The following PTPRD variants were observed in gnomAD, a reference collection of about 807,000 sequenced individuals.
PTPRD encodes the protein protein tyrosine phosphatase receptor type D.
PTPRD carries 34 observed loss-of-function variants against 214.5 expected under a neutral mutation model. The observed-to-expected ratio is 0.16, with a 90% confidence interval of 0.12 to 0.21. The LOEUF (loss-of-function observed/expected upper bound fraction) is 0.21, where lower values mean the gene tolerates loss of function less well. Ranked by LOEUF, PTPRD falls within the 10% of genes least tolerant of loss-of-function variation. PTPRD has a pLI of 1.00. For missense variants in PTPRD, 2,545 were observed against 2,398.7 expected (o/e 1.06, Z -1.27); for synonymous variants, 1,128 against 845.7 (o/e 1.33, Z -5.79).
At chr9:9,211,122 C>A (rs927197621) in intron 9 of PTPRD, among the ~76,000 whole-genome samples, 1 of 151,738 alleles carries the variant, frequency 6.6e-6, no homozygotes, top group Non-Finnish European at 1.5e-5. Context: ...TACATTCTGG[C>A]ATTTTTTTCC....
Position 9,120,156 on chromosome 9 carries a change from G to A in PTPRD, c.-143+63148C>T, listed in dbSNP as rs191478330. Among the ~76,000 whole-genome samples the A allele has an allele frequency of 1.2e-3, 187 of 152,340 alleles. 1 individual carries two copies. Among genetic ancestry groups the A allele is most frequent in the African/African-American group, 4.2e-3 (174 of 41,578 alleles). On this transcript the variant is annotated intron_variant, in intron 10 of 45. Coordinates refer to ENST00000381196, the MANE Select transcript of PTPRD (RefSeq NM_002839.4). ...ATATTTCATCTACTGGAAATTCACAGTGCACATTGGCATCTTGAAGGCTTT... is the reference window on the plus strand; with the variant it reads ...ATATTTCATCTACTGGAAATTCACAATGCACATTGGCATCTTGAAGGCTTT...
At chr9:10,110,716 C>A (rs528642620) in intron 3 of PTPRD, among the ~76,000 whole-genome samples, 10 of 152,258 alleles carry the variant, frequency 6.6e-5, no homozygotes, top group Admixed American at 6.5e-4. Flanking sequence ...AAAAGGTTGG[C>A]AAAAATTATT....
intron 9 of PTPRD, among the ~76,000 whole-genome samples, chr9:9,381,676 G>GTTT (rs78854339): frequency 6.7e-6 from 1 of 149,372 alleles, no homozygotes; most frequent in African/African-American, 2.5e-5. Context: ...AAAAGTGTTT[G>GTTT]TTTTTTTTTG....
chr9:8,965,759 T>A (rs1286104587), intron 11 of PTPRD, among the ~76,000 whole-genome samples: 3 of 152,120 alleles, frequency 2.0e-5, no homozygotes, highest in Non-Finnish European at 4.4e-5. Flanking sequence ...ATCATCTCTA[T>A]CTAACATAGC....
intron 39 of PTPRD, among the ~76,000 whole-genome samples, chr9:8,358,016 C>T (rs1328363152): frequency 6.6e-6 from 1 of 152,166 alleles, no homozygotes; most frequent in Non-Finnish European, 1.5e-5. Flanking sequence ...TTAGTCTATA[C>T]ATACAGATCA....
At chr9:9,587,447 T>G (rs1027652043) in intron 7 of PTPRD, among the ~76,000 whole-genome samples, 1 of 152,040 alleles carries the variant, frequency 6.6e-6, no homozygotes, top group African/African-American at 2.4e-5. Flanking sequence ...GAGAGGGGCT[T>G]GCTAATGACA....
chr9:10,485,161 T>C (rs4007994), intron 2 of PTPRD, among the ~76,000 whole-genome samples: 24,641 of 152,054 alleles, frequency 0.16, 2,173 homozygotes, highest in Non-Finnish European at 0.2. Context: ...TTCTTGAAAA[T>C]GAGTTCACTG....
At chr9:8,472,461 T>A (rs955801882) in intron 30 of PTPRD, among the ~76,000 whole-genome samples, 3 of 152,158 alleles carry the variant, frequency 2.0e-5, no homozygotes, top group African/African-American at 7.2e-5. Flanking sequence ...ATAAACTCAG[T>A]AAACTCTCTG....
rs2092856626 is a variant in PTPRD at position 8,746,736 on chromosome 9, G to A, written c.-103-12790C>T. Among the ~76,000 whole-genome samples, 3 of 152,176 alleles carry A rather than the reference G, an allele frequency of 2.0e-5. No homozygotes were observed. In the South Asian group the frequency reaches 6.2e-4, roughly 32 times the overall value. ...GGGTCAGGCACGATGCCTCATGCCT[G>A]TAATCCCAGTGCTTTCAGAGGCTGA... On this transcript the variant is annotated intron_variant, in intron 11 of 45. Coordinates refer to ENST00000381196, the MANE Select transcript of PTPRD (RefSeq NM_002839.4).
intron 5 of PTPRD, among the ~76,000 whole-genome samples, chr9:9,861,642 T>C (rs536939690): frequency 1.6e-4 from 24 of 152,346 alleles, no homozygotes; most frequent in Non-Finnish European, 3.2e-4. Context: ...ATGTTAACTA[T>C]TGATATACAG....
At chr9:9,014,177 G>A (rs72692838) in intron 11 of PTPRD, among the ~76,000 whole-genome samples, 61,607 of 122,862 alleles carry the variant, frequency 0.5, 13,487 homozygotes, top group Non-Finnish European at 0.55. Flanking sequence ...CTATTACCTC[G>A]TTTTTTTTTG....
At chr9:10,097,873 G>A (rs1321270942) in intron 3 of PTPRD, among the ~76,000 whole-genome samples, 1 of 151,750 alleles carries the variant, frequency 6.6e-6, no homozygotes, top group African/African-American at 2.4e-5. Context: ...TTGGCTGTAG[G>A]AACACTTTCA....
chr9:8,488,305 G>A (rs1395879703), intron 27 of PTPRD, among the ~76,000 whole-genome samples: 1 of 152,192 alleles, frequency 6.6e-6, no homozygotes, highest in Non-Finnish European at 1.5e-5. Context: ...CAACAGTTTT[G>A]TTTCACATGC....
intron 10 of PTPRD, among the ~76,000 whole-genome samples, chr9:9,173,090 C>T (rs1180399855): frequency 6.6e-6 from 1 of 152,076 alleles, no homozygotes; most frequent in East Asian, 1.9e-4. Context: ...CACGTGAGCC[C>T]TTCTGTTCCT....
chr9:9,785,719 A>C (rs2098918027), intron 5 of PTPRD, among the ~76,000 whole-genome samples: 1 of 152,140 alleles, frequency 6.6e-6, no homozygotes, highest in African/African-American at 2.4e-5. Flanking sequence ...TAAAATTCCA[A>C]TAATGTCTCA....
At chr9:10,465,767 G>C (rs1037126728) in intron 2 of PTPRD, among the ~76,000 whole-genome samples, 2 of 152,170 alleles carry the variant, frequency 1.3e-5, no homozygotes, top group South Asian at 2.1e-4. Flanking sequence ...ATACCATGTA[G>C]GTTTGTGTAA....
chr9:9,012,500 G>T (rs1343704394), intron 11 of PTPRD, among the ~76,000 whole-genome samples: 1 of 152,086 alleles, frequency 6.6e-6, no homozygotes, highest in African/African-American at 2.4e-5. Context: ...GCATGAAAGG[G>T]AGTTATGTAG....
intron 6 of PTPRD, among the ~76,000 whole-genome samples, chr9:9,754,018 G>A (rs188680221): frequency 6.6e-6 from 1 of 152,146 alleles, no homozygotes; most frequent in Admixed American, 6.6e-5. Context: ...CCATTTGTCT[G>A]TGTGTCTTTT....
intron 3 of PTPRD, among the ~76,000 whole-genome samples, chr9:10,129,286 C>T (rs113980663): frequency 1.3e-3 from 200 of 152,166 alleles, no homozygotes; most frequent in Middle Eastern, 3.4e-3. Context: ...ATGGCATGTA[C>T]GGATTTTCAA....
Sources: allele counts gnomAD v4.1 joint callset (sites outside exome capture counted in the v4.1 genomes callset), GRCh38; gene constraint gnomAD v4.1.1; transcripts MANE v1.5; gene names NCBI Gene and HGNC (gene_info 2026-07-23, HGNC 2026-07-21).